PRKX: variants seen among roughly 807,000 people sequenced by gnomAD.
The protein encoded by PRKX is cAMP-dependent protein kinase catalytic subunit PRKX.
In PRKX, 12 loss-of-function variants were observed where a neutral mutation model predicts 22.0. The observed-to-expected ratio is 0.54, with a 90% CI of 0.35 to 0.88. PRKX has a LOEUF of 0.88. Among genes scored for constraint, PRKX ranks in the 40% least tolerant of loss-of-function variants. The probability of loss-of-function intolerance (pLI) is 0.01; values close to 1 mark genes in which losing one functional copy is unlikely to be tolerated. For synonymous variants in PRKX, 134 were observed against 137.7 expected (o/e 0.97, Z 0.19); for missense variants, 217 against 308.0 (o/e 0.70, Z 2.21).
chrX:3,615,260 C>G (rs750755147), intron 7 of PRKX, among the ~76,000 whole-genome samples: 2 of 110,912 alleles, frequency 1.8e-5, no homozygotes, highest in Admixed American at 1.9e-4. Context: ...TTCCAGTGAT[C>G]TGCCTGAGTT....
chrX:3,671,341 C>T (rs1483542113), intron 2 of PRKX, among the ~76,000 whole-genome samples: 19 of 111,526 alleles, frequency 1.7e-4, no homozygotes, highest in African/African-American at 5.5e-4. Context: ...GTGATCCTTC[C>T]GCCTTGGCCT....
At chrX:3,647,625 A>G (rs931933386) in intron 3 of PRKX, among the ~76,000 whole-genome samples, 5 of 107,295 alleles carry the variant, frequency 4.7e-5, no homozygotes, top group Non-Finnish European at 7.6e-5. Context: ...TGTCGGATAT[A>G]TTATTTATGT....
chrX:3,708,122 G>A (rs1257119744), intron 1 of PRKX, among the ~76,000 whole-genome samples: 2 of 111,311 alleles, frequency 1.8e-5, no homozygotes, highest in Non-Finnish European at 3.8e-5. Context: ...TGATGAGGTC[G>A]TGAGGTTGGA....
intron 1 of PRKX, among the ~76,000 whole-genome samples, chrX:3,711,532 C>A (rs937730251): frequency 1.8e-5 from 2 of 112,273 alleles, no homozygotes; most frequent in African/African-American, 6.5e-5. Context: ...CCAAGGGACC[C>A]ATGTGGGTGC....
chrX:3,682,714 G>A (rs1016470851), intron 1 of PRKX, among the ~76,000 whole-genome samples: 6 of 109,897 alleles, frequency 5.5e-5, no homozygotes, highest in Admixed American at 4.9e-4. Context: ...CCAGCAGCTG[G>A]GAGAGGCAGG....
intron 1 of PRKX, among the ~76,000 whole-genome samples, chrX:3,683,660 G>A (rs777387372): frequency 4.5e-5 from 5 of 111,314 alleles, no homozygotes; most frequent in South Asian, 7.6e-4. Context: ...AACATAGCGA[G>A]ATCCCAGCTA....
intron 4 of PRKX, among the ~76,000 whole-genome samples, chrX:3,633,644 C>A (rs1160422633): frequency 9.0e-6 from 1 of 111,549 alleles, no homozygotes; most frequent in Non-Finnish European, 1.9e-5. Context: ...TTGAATGTAA[C>A]CATTCCGCCT....
In PRKX at chrX:3,605,059, A is replaced by ACACACACC. The variant is rs1375814188; in HGVS notation, c.*3909_*3910insGGTGTGTG. On this transcript the variant is annotated 3_prime_UTR_variant, in exon 9 of 9. Transcript: ENST00000262848. ...CACACACACACACACACACACACACACCCCGCAAAGAAACTATCCAAATGC... is the reference window on the plus strand; with the variant it reads ...CACACACACACACACACACACACACACACACACCCCCCGCAAAGAAACTATCCAAATGC... The ACACACACC allele has an allele frequency of 1.2e-4, 10 of 80,722 alleles. No homozygotes were observed. Among genetic ancestry groups the ACACACACC allele is most frequent in the African/African-American group, 4.0e-4 (9 of 22,477 alleles). 6.7% of individuals were successfully genotyped at this position (80,722 alleles called of 1,213,427 possible). A position where few individuals can be genotyped will look rare whatever the true frequency, so the allele number is the denominator to read the frequency against.
intron 2 of PRKX, among the ~76,000 whole-genome samples, chrX:3,668,996 G>A (rs895929071): frequency 8.9e-6 from 1 of 112,631 alleles, no homozygotes; most frequent in African/African-American, 3.2e-5. Context: ...CTGGTGGGTG[G>A]AGCCCAGAGA....
intron 3 of PRKX, among the ~76,000 whole-genome samples, chrX:3,643,330 C>T (rs1927123731): frequency 8.9e-6 from 1 of 111,766 alleles, no homozygotes; most frequent in African/African-American, 3.3e-5. Context: ...GCTAATTGCA[C>T]TCTGCAAACG....
intron 1 of PRKX, among the ~76,000 whole-genome samples, chrX:3,687,793 T>C (rs771811428): frequency 5.5e-4 from 61 of 111,181 alleles, no homozygotes; most frequent in African/African-American, 1.9e-3. Context: ...AGGCCAATGT[T>C]GAGACATCAT....
At chrX:3,691,850 A>ATGATTGAT (rs56121043) in intron 1 of PRKX, among the ~76,000 whole-genome samples, 6 of 107,070 alleles carry the variant, frequency 5.6e-5, no homozygotes, top group South Asian at 4.3e-4. Flanking sequence ...AGATAGAAAG[A>ATGATTGAT]TGATTGATTG....
At chrX:3,688,697 T>TA (rs762021655) in intron 1 of PRKX, among the ~76,000 whole-genome samples, 37 of 101,096 alleles carry the variant, frequency 3.7e-4, no homozygotes, top group South Asian at 3.5e-3. Flanking sequence ...ACACCATCTA[T>TA]AAAAAAAAAA....
chrX:3,673,665 A>G (rs907006341), intron 2 of PRKX, among the ~76,000 whole-genome samples: 7 of 110,880 alleles, frequency 6.3e-5, no homozygotes, highest in African/African-American at 2.3e-4. Flanking sequence ...GAAGGCACCC[A>G]TGGAGGGAAA....
Position 3,713,553 on chromosome X carries a change from G to A in PRKX, c.-300C>T, listed in dbSNP as rs1928840340. On this transcript the variant is annotated 5_prime_UTR_variant, in exon 1 of 9. Transcript: ENST00000262848. ...GGGGGCCGCGGCCCGGGCTGGGGGG[G>A]GCGAGGCGGGGGCCCTGCGCATTCC... 2 of 187,536 alleles carry A rather than the reference G, an allele frequency of 1.1e-5. No individual in the cohort carries two copies. Among genetic ancestry groups the A allele is most frequent in the South Asian group, 3.0e-4 (1 of 3,381 alleles). 15.5% of individuals were successfully genotyped at this position (187,536 alleles called of 1,213,427 possible).
intron 1 of PRKX, among the ~76,000 whole-genome samples, chrX:3,701,686 G>A (rs1470712646): frequency 9.0e-5 from 10 of 111,650 alleles, no homozygotes; most frequent in South Asian, 3.8e-4. Context: ...TCTAAGTCAC[G>A]GGATGAGATA....
At chrX:3,653,742 TATATA>T (rs1356833725) in intron 3 of PRKX, among the ~76,000 whole-genome samples, 3 of 64,614 alleles carry the variant, frequency 4.6e-5, no homozygotes, top group East Asian at 6.6e-4. Context: ...ATATATAATA[TATATA>T]ATATACTATG....
chrX:3,691,931 G>A (rs1242903372), intron 1 of PRKX, among the ~76,000 whole-genome samples: 1 of 110,425 alleles, frequency 9.1e-6, no homozygotes, highest in African/African-American at 3.3e-5. Context: ...GAAAGAGAAA[G>A]ATGATACACT....
chrX:3,650,356 C>T (rs1436131831), intron 3 of PRKX, among the ~76,000 whole-genome samples: 1 of 105,119 alleles, frequency 9.5e-6, no homozygotes, highest in Non-Finnish European at 1.9e-5. Context: ...CCCGTCTCTA[C>T]TAAAAACACA....
Sources: gnomAD v4.1 joint callset for allele counts (sites outside exome capture counted in the v4.1 genomes callset) on GRCh38, gnomAD v4.1.1 for gene constraint, MANE v1.5 for transcripts, NCBI Gene and HGNC (gene_info 2026-07-23, HGNC 2026-07-21) for gene names.